Variants in GLI3 observed in about 807,000 individuals in gnomAD.
GLI3 encodes the protein GLI family zinc finger 3.
A neutral mutation model predicts 100.8 loss-of-function variants in GLI3; 20 were observed. The observed-to-expected ratio is 0.20, with a 90% CI of 0.14 to 0.29. The LOEUF is 0.29. GLI3 is among the 10% of genes least tolerant of loss of function. GLI3 has a pLI of 1.00. For synonymous variants in GLI3, 938 were observed against 860.5 expected, an observed-to-expected ratio of 1.09 and a Z score of -1.58; for missense variants, 2,040 against 2,128.5, an observed-to-expected ratio of 0.96 and a Z score of 0.82.
chr7:42,093,129 A>G (rs1785263055), intron 3 of GLI3, among the ~76,000 whole-genome samples: 1 of 151,758 alleles, frequency 6.6e-6, no homozygotes, highest in Admixed American at 6.6e-5. Context: ...CTTGTTTTTA[A>G]AAACAGAAGG....
intron 2 of GLI3, among the ~76,000 whole-genome samples, chr7:42,171,505 G>C (rs1787372524): frequency 6.6e-6 from 1 of 152,156 alleles, no homozygotes; most frequent in Non-Finnish European, 1.5e-5. Context: ...AGTGAAATAA[G>C]GCTAATATTT....
intron 7 of GLI3, among the ~76,000 whole-genome samples, chr7:42,029,923 T>G (rs1789237442): frequency 6.6e-6 from 1 of 152,182 alleles, no homozygotes; most frequent in South Asian, 2.1e-4. Context: ...GCAGTGTGCC[T>G]GGCAGAGCAG....
At chr7:42,032,492 T>C (rs1789321557) in intron 7 of GLI3, among the ~76,000 whole-genome samples, 1 of 152,288 alleles carries the variant, frequency 6.6e-6, no homozygotes, top group Non-Finnish European at 1.5e-5. Context: ...CATTAAACAT[T>C]TATTTACCCT....
chr7:42,038,417 A>T (rs1257073017), intron 7 of GLI3, among the ~76,000 whole-genome samples: 2 of 152,214 alleles, frequency 1.3e-5, no homozygotes, highest in East Asian at 3.8e-4. Flanking sequence ...TTCTTCCTGT[A>T]TAGAGGGTGT....
chr7:42,158,090 G>A (rs1787046213), intron 2 of GLI3, among the ~76,000 whole-genome samples: 1 of 152,040 alleles, frequency 6.6e-6, no homozygotes, highest in Non-Finnish European at 1.5e-5. Flanking sequence ...AATACCCTAA[G>A]GTCCCTCCCT....
At chr7:42,198,254 G>T (rs1787970033) in intron 2 of GLI3, among the ~76,000 whole-genome samples, 1 of 152,152 alleles carries the variant, frequency 6.6e-6, no homozygotes, top group Non-Finnish European at 1.5e-5. Context: ...TGCAAAAAAT[G>T]GAATAACTGC....
chr7:42,246,803 A>ATTTT (rs1198985258), intron 1 of GLI3, among the ~76,000 whole-genome samples: 30 of 63,320 alleles, frequency 4.7e-4, no homozygotes, highest in Admixed American at 9.1e-4. Flanking sequence ...GGATGATAGA[A>ATTTT]TCTTTTTTTT....
chr7:42,223,241 A>C lies in GLI3; in HGVS notation c.13T>G (p.Ser5Ala). The change falls in exon 2 of 15, where the codon TCC (serine) becomes GCC (alanine). Residue 5 changes from serine (S) to alanine (A), a missense_variant. By Grantham distance (99) the Ser-to-Ala change is moderately conservative. This residue lies in a region of GLI3 where 603 missense variants were observed against 690.9 expected (regional missense o/e 0.87). Transcript: ENST00000395925. MEAQSHSSTTTEKKK... is the reference protein window; with the variant it reads MEAQAHSSTTTEKKK... ...TTTTCAGTGGTCGTGGAGCTGTGGG[A>C]CTGGGCCTCCATGATGTCTTCTCAT... 6.2e-7 allele frequency: 1 copy of C among 1,613,526 alleles called. No individual in the cohort carries two copies. Among genetic ancestry groups the C allele is most frequent in the Non-Finnish European group, 8.5e-7 (1 of 1,179,688 alleles).
At chr7:42,155,217 A>ATT (rs1400166993) in intron 2 of GLI3, among the ~76,000 whole-genome samples, 1 of 152,116 alleles carries the variant, frequency 6.6e-6, no homozygotes, top group African/African-American at 2.4e-5. Flanking sequence ...AGGTGGGCAG[A>ATT]TAACCCAAAG....
intron 14 of GLI3, among the ~76,000 whole-genome samples, 169 bp downstream of exon 14, chr7:41,967,427 A>T (rs1268664467): frequency 6.6e-6 from 1 of 152,180 alleles, no homozygotes; most frequent in East Asian, 1.9e-4. Flanking sequence ...GCTGTTTTTA[A>T]AATATGGACA....
intron 10 of GLI3, among the ~76,000 whole-genome samples, chr7:41,983,736 C>T (rs1424467422): frequency 6.6e-6 from 1 of 152,122 alleles, no homozygotes; most frequent in East Asian, 1.9e-4. Context: ...TCTGAACTCT[C>T]CCTGTCTGAA....
chr7:42,129,295 G>A (rs1786212528), intron 3 of GLI3, among the ~76,000 whole-genome samples: 1 of 152,180 alleles, frequency 6.6e-6, no homozygotes, highest in Admixed American at 6.5e-5. Flanking sequence ...TGTTAGGAGT[G>A]GCAGAATTAG....
intron 2 of GLI3, among the ~76,000 whole-genome samples, chr7:42,221,735 A>AC (rs1484748805): frequency 6.6e-6 from 1 of 152,238 alleles, no homozygotes; most frequent in Non-Finnish European, 1.5e-5. Flanking sequence ...CCTAAATTTT[A>AC]CCAATTCCAG....
chr7:42,134,238 T>C (rs1786369975), intron 3 of GLI3, among the ~76,000 whole-genome samples: 2 of 152,306 alleles, frequency 1.3e-5, no homozygotes, highest in Non-Finnish European at 2.9e-5. Context: ...AGCAGTCTGA[T>C]GTCTGCGCTC....
At chr7:42,127,191 G>T (rs117531255) in intron 3 of GLI3, among the ~76,000 whole-genome samples, 1 of 152,024 alleles carries the variant, frequency 6.6e-6, no homozygotes, top group African/African-American at 2.4e-5. Context: ...TTTTAACTTC[G>T]GCCAGAGAGG....
Position 41,965,181 on chromosome 7 carries a change from G to C in GLI3, c.3892C>G (p.Pro1298Ala). 6.2e-7 allele frequency: 1 copy of C among 1,613,866 alleles called. No homozygotes were observed. Among genetic ancestry groups the C allele is most frequent in the Non-Finnish European group, 8.5e-7 (1 of 1,180,034 alleles). ...CCAGCTGACTCATTTGGCGCTACCG[G>C]CAGGCCGAAATTCAGCTGGCCCCCG... ...GSGGQLNFGLPVAPNESAGSM... is the reference protein window; with the variant it reads ...GSGGQLNFGLAVAPNESAGSM... The change falls in exon 15 of 15, where the codon CCG (proline) becomes GCG (alanine). Residue 1298 changes from proline (P) to alanine (A), a missense_variant. Physicochemically the swap from Pro to Ala is conservative, Grantham distance 27. This residue lies in a region of GLI3 where 1,041 missense variants were observed against 924.0 expected (regional missense o/e 1.13). Coordinates refer to ENST00000395925, the MANE Select transcript of GLI3 (RefSeq NM_000168.6).
chr7:42,059,955 C>A (rs912925594), intron 4 of GLI3, among the ~76,000 whole-genome samples: 2 of 152,220 alleles, frequency 1.3e-5, no homozygotes, highest in Non-Finnish European at 2.9e-5. Context: ...GCTCCCTATA[C>A]CTGGAAGTGT....
At chr7:42,165,409 T>C (rs1215628642) in intron 2 of GLI3, among the ~76,000 whole-genome samples, 5 of 152,194 alleles carry the variant, frequency 3.3e-5, no homozygotes, top group African/African-American at 9.7e-5. Context: ...AGGGTTTTCA[T>C]GGGGCTGGGA....
intron 3 of GLI3, among the ~76,000 whole-genome samples, chr7:42,119,358 C>T (rs1785938806): frequency 6.6e-6 from 1 of 152,160 alleles, no homozygotes; most frequent in South Asian, 2.1e-4. Flanking sequence ...TTTCTGTTTG[C>T]TCTTAACCAT....
Sources: allele counts gnomAD v4.1 joint callset (sites outside exome capture counted in the v4.1 genomes callset), GRCh38; gene constraint gnomAD v4.1.1; regional missense constraint gnomAD v4.1.1; transcripts MANE v1.5; gene names NCBI Gene and HGNC (gene_info 2026-07-23, HGNC 2026-07-21).